Variants in LRP1B observed in about 807,000 individuals in gnomAD.
The protein encoded by LRP1B is low-density lipoprotein receptor-related protein 1B.
A neutral mutation model predicts 556.6 loss-of-function variants in LRP1B; 217 were observed. That is an observed-to-expected ratio of 0.39 (90% CI 0.35 to 0.44). The LOEUF is 0.44. LRP1B is among the 20% of genes least tolerant of loss of function. The probability of loss-of-function intolerance (pLI) is 1.00; values close to 1 mark genes in which losing one functional copy is unlikely to be tolerated. For missense variants in LRP1B, 5,053 were observed against 5,620.8 expected, an observed-to-expected ratio of 0.90 and a Z score of 3.23; for synonymous variants, 2,047 against 1,865.8, an observed-to-expected ratio of 1.10 and a Z score of -2.50.
chr2:141,736,415 T>C (rs1490708532), intron 2 of LRP1B, among the ~76,000 whole-genome samples: 1 of 152,154 alleles, frequency 6.6e-6, no homozygotes, highest in East Asian at 1.9e-4. Context: ...TAATTCAGTA[T>C]GACCAGTGCC....
intron 65 of LRP1B, among the ~76,000 whole-genome samples, chr2:140,443,713 A>T (rs1002338285): frequency 6.6e-6 from 1 of 152,210 alleles, no homozygotes; most frequent in East Asian, 1.9e-4. Flanking sequence ...TGGTATAAAC[A>T]GTTTTGCCTT....
chr2:140,348,875 C>T (rs1462084482), intron 77 of LRP1B, among the ~76,000 whole-genome samples: 3 of 152,056 alleles, frequency 2.0e-5, no homozygotes, highest in African/African-American at 4.8e-5. Flanking sequence ...ACTAGAACAG[C>T]GGTCCCCAAC....
intron 2 of LRP1B, among the ~76,000 whole-genome samples, chr2:141,521,438 C>G (rs367939155): frequency 6.6e-6 from 1 of 150,958 alleles, no homozygotes; most frequent in Admixed American, 6.6e-5. Context: ...TTTTTTCTCC[C>G]TGTTAATTTT....
intron 1 of LRP1B, among the ~76,000 whole-genome samples, chr2:141,814,184 G>A (rs557822038): frequency 6.6e-6 from 1 of 152,154 alleles, no homozygotes; most frequent in African/African-American, 2.4e-5. Context: ...ACGGGACAAA[G>A]GCACCAAAAG....
At chr2:142,025,406 A>G (rs1307086961) in intron 1 of LRP1B, among the ~76,000 whole-genome samples, 4 of 152,194 alleles carry the variant, frequency 2.6e-5, no homozygotes, top group African/African-American at 9.6e-5. Flanking sequence ...CAGTGAGGGA[A>G]GCACTTTTAT....
rs188355947 is a variant in LRP1B at position 141,685,260 on chromosome 2, G to C, written c.205+125019C>G. Among the ~76,000 whole-genome samples, 10 of 152,154 alleles carry C rather than the reference G, an allele frequency of 6.6e-5. No homozygotes were observed. The East Asian group carries it at 1.9e-3, about 30-fold the overall frequency. On this transcript the variant is annotated intron_variant, in intron 2 of 90. Coordinates refer to ENST00000389484, the MANE Select transcript of LRP1B (RefSeq NM_018557.3). ...TGGAGCAAAATTTTGTCCCAGGATAGATCATGCAAGATTCTCAATTATACT... is the reference window on the plus strand; with the variant it reads ...TGGAGCAAAATTTTGTCCCAGGATACATCATGCAAGATTCTCAATTATACT...
At chr2:141,245,729 A>G (rs1684042348) in intron 5 of LRP1B, among the ~76,000 whole-genome samples, 1 of 152,188 alleles carries the variant, frequency 6.6e-6, no homozygotes, top group African/African-American at 2.4e-5. Flanking sequence ...TTTCTTACTC[A>G]GTAGGCTGAA....
intron 7 of LRP1B, among the ~76,000 whole-genome samples, chr2:141,127,950 A>T (rs1053403468): frequency 6.6e-6 from 1 of 152,200 alleles, no homozygotes; most frequent in African/African-American, 2.4e-5. Flanking sequence ...ATACAATAAG[A>T]TATGTGGTGA....
At chr2:141,005,283 G>A (rs2105373407) in intron 15 of LRP1B, 52 bp downstream of exon 15, 1 of 1,582,258 alleles carries the variant, frequency 6.3e-7, no homozygotes, top group Non-Finnish European at 8.6e-7. Context: ...TCTGCTTCTA[G>A]TCTTCAGAAA....
intron 2 of LRP1B, among the ~76,000 whole-genome samples, chr2:141,495,628 A>G (rs181086218): frequency 6.6e-6 from 1 of 152,276 alleles, no homozygotes; most frequent in East Asian, 1.9e-4. Context: ...AGAATGCTGA[A>G]GAAGGTATTT....
At chr2:141,799,840 G>C (rs1389012224) in intron 2 of LRP1B, among the ~76,000 whole-genome samples, 1 of 151,726 alleles carries the variant, frequency 6.6e-6, no homozygotes, top group African/African-American at 2.4e-5. Flanking sequence ...GTATGACAGA[G>C]AGAGAGGCTA....
At chr2:141,968,659 G>T (rs936258940) in intron 1 of LRP1B, among the ~76,000 whole-genome samples, 2 of 151,738 alleles carry the variant, frequency 1.3e-5, no homozygotes, top group African/African-American at 4.8e-5. Context: ...GAATGATACA[G>T]TTGCAAAGAA....
intron 49 of LRP1B, among the ~76,000 whole-genome samples, chr2:140,524,708 T>A (rs548096439): frequency 8.6e-5 from 13 of 151,916 alleles, no homozygotes; most frequent in African/African-American, 3.1e-4. Flanking sequence ...GAAAACCATA[T>A]ATCACATGTT....
Position 141,810,323 on chromosome 2 carries a change from C to G in LRP1B, c.161G>C (p.Gly54Ala). ...TCVSQSWLCD[G>A]DPDCPDDSDE... ...TGAATCATCAGGGCAGTCAGGGTCC[C>G]CATCACACAGCCAGCTCTGGGAGAC... is the stretch of plus-strand genomic sequence containing the variant. The change falls in exon 2 of 91, where the codon GGG becomes GCG. Residue 54 changes from glycine (G) to alanine (A), a missense_variant. Around this residue, in one of 5 missense-constraint regions of LRP1B, gnomAD observed 3,619 missense variants for 3,931.9 expected, o/e 0.92. Transcript: ENST00000389484. 1 of 1,613,178 alleles carries G rather than the reference C, an allele frequency of 6.2e-7. No homozygotes were observed. Among genetic ancestry groups the G allele is most frequent in the South Asian group, 1.1e-5 (1 of 91,054 alleles).
intron 1 of LRP1B, among the ~76,000 whole-genome samples, chr2:141,868,361 C>G (rs2105796968): frequency 6.6e-6 from 1 of 152,186 alleles, no homozygotes; most frequent in East Asian, 1.9e-4. Context: ...AAATTTGAAA[C>G]AGCTATTTGT....
chr2:141,644,136 GAT>G (rs1282229165), intron 2 of LRP1B, among the ~76,000 whole-genome samples: 2 of 151,612 alleles, frequency 1.3e-5, no homozygotes, highest in Non-Finnish European at 2.9e-5. Context: ...CCCACACAAT[GAT>G]AGTTTTCCTC....
chr2:141,140,355 A>G (rs1319133677), intron 7 of LRP1B, among the ~76,000 whole-genome samples: 1 of 152,158 alleles, frequency 6.6e-6, no homozygotes, highest in Non-Finnish European at 1.5e-5. Context: ...AGAATAAAAG[A>G]AATCTATTAA....
chr2:141,251,711 C>A (rs1416516389), intron 4 of LRP1B, among the ~76,000 whole-genome samples: 2 of 151,906 alleles, frequency 1.3e-5, no homozygotes, highest in African/African-American at 4.8e-5. Flanking sequence ...GCAAAACAAG[C>A]ATGGGTGGAT....
In LRP1B at chr2:141,225,669, T is replaced by C. The variant is rs191440749; in HGVS notation, c.850+3514A>G. On this transcript the variant is annotated intron_variant, in intron 6 of 90. Transcript: ENST00000389484. ...GCTAAATAATAAATATCAGTTATCG[T>C]TATAAAAAAGAATAAAATTCAGTAA... 1.1e-3 allele frequency among the ~76,000 whole-genome samples: 168 copies of C among 152,256 alleles called. 1 individual carries two copies. Among genetic ancestry groups the C allele is most frequent in the African/African-American group, 3.7e-3 (154 of 41,562 alleles).
Sources: allele counts gnomAD v4.1 joint callset (sites outside exome capture counted in the v4.1 genomes callset), GRCh38; gene constraint gnomAD v4.1.1; regional missense constraint gnomAD v4.1.1; transcripts MANE v1.5; gene names NCBI Gene and HGNC (gene_info 2026-07-23, HGNC 2026-07-21).